Variants in CSNK1G3 observed in about 807,000 individuals in gnomAD.
CSNK1G3 encodes the protein casein kinase I isoform gamma-3.
CSNK1G3 carries 23 observed loss-of-function variants against 64.3 expected under a neutral mutation model. That is an observed-to-expected ratio of 0.36 (90% CI 0.26 to 0.51). The LOEUF (loss-of-function observed/expected upper bound fraction) is 0.51, where lower values mean the gene tolerates loss of function less well. CSNK1G3 is among the 20% of genes least tolerant of loss of function. The probability of loss-of-function intolerance (pLI) is 0.96; values close to 1 mark genes in which losing one functional copy is unlikely to be tolerated. For missense variants in CSNK1G3, 357 were observed against 510.5 expected (o/e 0.70, Z 2.90); for synonymous variants, 158 against 162.2 (o/e 0.97, Z 0.20).
At chr5:123,516,940 A>C (rs1348394966) in intron 1 of CSNK1G3, among the ~76,000 whole-genome samples, 7 of 152,216 alleles carry the variant, frequency 4.6e-5, no homozygotes, top group African/African-American at 1.7e-4. Context: ...ACATTTGGAA[A>C]AAAAGGGAAG....
intron 9 of CSNK1G3, among the ~76,000 whole-genome samples, chr5:123,591,048 A>G (rs1355867006): frequency 1.3e-5 from 2 of 152,098 alleles, no homozygotes; most frequent in African/African-American, 4.8e-5. Flanking sequence ...GTAGCCTAAA[A>G]GTAATGGCAG....
chr5:123,513,688 G>T (rs550454240), intron 1 of CSNK1G3, among the ~76,000 whole-genome samples: 6 of 151,994 alleles, frequency 3.9e-5, no homozygotes, highest in Non-Finnish European at 7.4e-5. Flanking sequence ...ATCTAAGATG[G>T]GATATAAAAT....
chr5:123,532,481 G>A (rs533692048), intron 1 of CSNK1G3, among the ~76,000 whole-genome samples: 1 of 151,778 alleles, frequency 6.6e-6, no homozygotes, highest in Non-Finnish European at 1.5e-5. Flanking sequence ...GAAAATAACA[G>A]TATTCTTTTC....
chr5:123,537,196 T>C (rs1207215061), intron 1 of CSNK1G3, among the ~76,000 whole-genome samples: 2 of 152,090 alleles, frequency 1.3e-5, no homozygotes, highest in African/African-American at 4.8e-5. Context: ...TAAGTGCCCA[T>C]CAAAGGATGA....
intron 4 of CSNK1G3, among the ~76,000 whole-genome samples, chr5:123,567,305 ATATTT>A (rs1333576744): frequency 2.6e-5 from 4 of 152,200 alleles, no homozygotes; most frequent in African/African-American, 4.8e-5. Flanking sequence ...CTCATTAGAA[ATATTT>A]TATTTTAAGG....
At chr5:123,553,891 G>A (rs185009640) in intron 3 of CSNK1G3, among the ~76,000 whole-genome samples, 7 of 152,264 alleles carry the variant, frequency 4.6e-5, no homozygotes, top group East Asian at 3.9e-4. Flanking sequence ...TACCATTGAT[G>A]CCTTACTAAA....
At chr5:123,597,935 A>G (rs1157897956) in intron 10 of CSNK1G3, among the ~76,000 whole-genome samples, 4 of 152,198 alleles carry the variant, frequency 2.6e-5, no homozygotes, top group Non-Finnish European at 5.9e-5. Context: ...TTTGCAAATT[A>G]AGAAACTTGA....
chr5:123,555,335 C>T (rs1231846575), intron 3 of CSNK1G3, among the ~76,000 whole-genome samples: 1 of 152,110 alleles, frequency 6.6e-6, no homozygotes, highest in Admixed American at 6.6e-5. Flanking sequence ...AATGATAGTT[C>T]ATGATTTCCT....
chr5:123,592,127 C>T (rs1290920808), intron 10 of CSNK1G3, among the ~76,000 whole-genome samples: 1 of 151,908 alleles, frequency 6.6e-6, no homozygotes, highest in African/African-American at 2.4e-5. Context: ...ATATGTGGGG[C>T]TCTATGAAGA....
intron 12 of CSNK1G3, among the ~76,000 whole-genome samples, chr5:123,607,068 G>A (rs1362536988): frequency 6.6e-6 from 1 of 152,042 alleles, no homozygotes; most frequent in African/African-American, 2.4e-5. Context: ...TGTGTGTTTG[G>A]GTCCCTATCT....
chr5:123,554,051 A>G (rs1784170690), intron 3 of CSNK1G3, among the ~76,000 whole-genome samples: 1 of 152,200 alleles, frequency 6.6e-6, no homozygotes, highest in South Asian at 2.1e-4. Flanking sequence ...ATGAATATAT[A>G]AAAGAGAGAC....
chr5:123,599,197 GAC>G (rs1793994479), intron 10 of CSNK1G3, among the ~76,000 whole-genome samples: 1 of 152,142 alleles, frequency 6.6e-6, no homozygotes, highest in Admixed American at 6.5e-5. Flanking sequence ...AAACATTAAG[GAC>G]ACTGCTGGAA....
intron 4 of CSNK1G3, among the ~76,000 whole-genome samples, chr5:123,565,338 A>G (rs1786651040): frequency 6.6e-6 from 1 of 152,230 alleles, no homozygotes; most frequent in South Asian, 2.1e-4. Flanking sequence ...TCTGTCCTCA[A>G]GAGCTTCAGG....
At chr5:123,525,028 T>G (rs1210472546) in intron 1 of CSNK1G3, among the ~76,000 whole-genome samples, 1 of 152,186 alleles carries the variant, frequency 6.6e-6, no homozygotes, top group Non-Finnish European at 1.5e-5. Context: ...CTTAACACAG[T>G]TAGGTTATAT....
intron 8 of CSNK1G3, among the ~76,000 whole-genome samples, chr5:123,590,062 A>G (rs1448754064): frequency 6.6e-6 from 1 of 152,142 alleles, no homozygotes; most frequent in Non-Finnish European, 1.5e-5. Flanking sequence ...TAAACTGAAT[A>G]TGATGCTTTG....
intron 1 of CSNK1G3, among the ~76,000 whole-genome samples, chr5:123,512,850 C>T (rs1335087280): frequency 1.3e-5 from 2 of 151,842 alleles, no homozygotes; most frequent in African/African-American, 4.8e-5. Context: ...GGGCTGGGTG[C>T]AAAAGTTGCC....
intron 4 of CSNK1G3, among the ~76,000 whole-genome samples, chr5:123,562,099 T>C (rs1785852015): frequency 6.6e-6 from 1 of 152,146 alleles, no homozygotes; most frequent in South Asian, 2.1e-4. Flanking sequence ...GCACTACACT[T>C]ACTATTCCTT....
rs189211605 is a variant in CSNK1G3 at position 123,608,092 on chromosome 5, G to A, written c.1217+2730G>A. 1.4e-3 allele frequency among the ~76,000 whole-genome samples: 212 copies of A among 152,122 alleles called. 2 individuals carry two copies. The highest frequency in any genetic ancestry group is 4.9e-3 in the African/African-American group (205 of 41,514). On this transcript the variant is annotated intron_variant, in intron 12 of 12. Transcript: ENST00000345990. ...CTATAGGTGCACACCATCATACCCA[G>A]CTCCTTTTCTAAATTGCATCTTATA...
At position 123,598,133 on chromosome 5, in the gene CSNK1G3, A is replaced by G. The variant is rs990058367; in HGVS notation, c.1087-6591A>G. Among the ~76,000 whole-genome samples the G allele has an allele frequency of 2.0e-4, 30 of 152,264 alleles. No individual in the cohort carries two copies. The East Asian group carries it at 5.4e-3, about 27-fold the overall frequency. The stretch of plus-strand genomic sequence containing the variant: ...TCACGAGACTAAGAATAATATTCAG[A>G]TATCTACTACCTTTATTTTGTATCA... On this transcript the variant is annotated intron_variant, in intron 10 of 12. Coordinates refer to ENST00000345990, the Ensembl canonical transcript of CSNK1G3.
Sources: allele counts gnomAD v4.1 joint callset (sites outside exome capture counted in the v4.1 genomes callset), GRCh38; gene constraint gnomAD v4.1.1; transcripts MANE v1.5; gene names NCBI Gene and HGNC (gene_info 2026-07-23, HGNC 2026-07-21).